SHC4: variants seen among roughly 807,000 people sequenced by gnomAD.
The protein encoded by SHC4 is SHC adaptor protein 4.
SHC4 carries 41 observed loss-of-function variants against 69.4 expected under a neutral mutation model. That is an observed-to-expected ratio of 0.59 (90% CI 0.46 to 0.77). The LOEUF (loss-of-function observed/expected upper bound fraction) is 0.77, where lower values mean the gene tolerates loss of function less well. SHC4 is among the 30% of genes least tolerant of loss of function. The pLI, the probability that SHC4 is intolerant of heterozygous loss-of-function variation, is 0.00. For synonymous variants in SHC4, 318 were observed against 299.3 expected (o/e 1.06, Z -0.64); for missense variants, 777 against 783.8 (o/e 0.99, Z 0.10).
intron 6 of SHC4, among the ~76,000 whole-genome samples, chr15:48,866,795 G>T (rs1484278950): frequency 6.6e-6 from 1 of 152,022 alleles, no homozygotes; most frequent in African/African-American, 2.4e-5. Flanking sequence ...TAAATGTTTG[G>T]GGGCAAACTC....
chr15:48,920,748 G>T (rs1900737611), intron 2 of SHC4, among the ~76,000 whole-genome samples: 1 of 151,756 alleles, frequency 6.6e-6, no homozygotes, highest in South Asian at 2.1e-4. Flanking sequence ...ATATAATCAA[G>T]ATATATATAT....
intron 2 of SHC4, among the ~76,000 whole-genome samples, chr15:48,913,830 C>A (rs1216297875): frequency 6.6e-6 from 1 of 152,170 alleles, no homozygotes; most frequent in Non-Finnish European, 1.5e-5. Flanking sequence ...TGACTCAGCT[C>A]CAGGTAAAGT....
At chr15:48,835,162 T>C (rs1898877286) in intron 10 of SHC4, 140 bp from the exon 11 acceptor site, 2 of 1,150,274 alleles carry the variant, frequency 1.7e-6, no homozygotes, top group South Asian at 1.7e-5. Flanking sequence ...GGGGAACAAA[T>C]GAGGTTTTTG....
At chr15:48,929,343 G>C (rs561398218) in intron 1 of SHC4, among the ~76,000 whole-genome samples, 3 of 152,198 alleles carry the variant, frequency 2.0e-5, no homozygotes, top group Non-Finnish European at 4.4e-5. Flanking sequence ...ATAAGACATG[G>C]GCTCTGTTCT....
rs549283338 is a variant in SHC4 at position 48,926,526 on chromosome 15, G to C, written c.586-1577C>G. Among the ~76,000 whole-genome samples the C allele has an allele frequency of 2.4e-4, 36 of 151,416 alleles. No individual in the cohort carries two copies. In the South Asian group the frequency reaches 7.1e-3, roughly 30 times the overall value. ...CACCCAGGCTGGTGTGCAGTGGCAC[G>C]ATCTTGGCTCACTGCAACCGCTGCC... is the stretch of plus-strand genomic sequence containing the variant. On this transcript the variant is annotated intron_variant, in intron 1 of 11. Coordinates refer to ENST00000332408, the MANE Select transcript of SHC4 (RefSeq NM_203349.4).
intron 4 of SHC4, chr15:48,878,229 A>C (rs967127560): frequency 5.0e-6 from 8 of 1,607,140 alleles, no homozygotes; most frequent in Non-Finnish European, 6.0e-6. Context: ...AGTGACCTGC[A>C]GATGGATGTG....
intron 10 of SHC4, among the ~76,000 whole-genome samples, chr15:48,840,121 C>T (rs1369927019): frequency 6.6e-6 from 1 of 152,146 alleles, no homozygotes; most frequent in Non-Finnish European, 1.5e-5. Context: ...CCACTTTGGA[C>T]CAGAGATGGA....
At chr15:48,908,083 G>T (rs1900442384) in intron 2 of SHC4, among the ~76,000 whole-genome samples, 1 of 152,134 alleles carries the variant, frequency 6.6e-6, no homozygotes, top group Non-Finnish European at 1.5e-5. Context: ...GGGATTGCTG[G>T]ATCAAATGGT....
Position 48,843,540 on chromosome 15 carries a change from A to C in SHC4, c.1352T>G (p.Leu451Trp), listed in dbSNP as rs903919997. Residue 451 changes from leucine to tryptophan, a missense_variant, in exon 10 of 12, where the codon TTG (leucine) becomes TGG (tryptophan). Physicochemically the swap from Leu to Trp is moderately conservative, Grantham distance 61. Coordinates refer to ENST00000332408, the MANE Select transcript of SHC4 (RefSeq NM_203349.4). ...GVQSQRDTSL[L>W]KHTCRVDLFD... ...GAGATCCACTCGGCACGTGTGCTTC[A>C]ATAATGAGGTATCTCGCTGGGACTG... 1 of 1,614,206 alleles carries C rather than the reference A, an allele frequency of 6.2e-7. No homozygotes were observed. Among genetic ancestry groups the C allele is most frequent in the Admixed American group, 1.7e-5 (1 of 60,026 alleles).
intron 6 of SHC4, among the ~76,000 whole-genome samples, chr15:48,861,982 C>G (rs1899453133): frequency 6.6e-6 from 1 of 151,958 alleles, no homozygotes; most frequent in East Asian, 1.9e-4. Flanking sequence ...ACCAGAAATT[C>G]AAAAGTTCAG....
chr15:48,952,196 T>G (rs1397603532), intron 1 of SHC4, among the ~76,000 whole-genome samples: 1 of 152,198 alleles, frequency 6.6e-6, no homozygotes, highest in African/African-American at 2.4e-5. Flanking sequence ...ATTTTACCAC[T>G]TCCCAATAAA....
chr15:48,917,175 T>C (rs1306330921), intron 2 of SHC4, among the ~76,000 whole-genome samples: 1 of 151,882 alleles, frequency 6.6e-6, no homozygotes, highest in Admixed American at 6.6e-5. Context: ...TTTTTTTTCT[T>C]CTTTACTTGA....
chr15:48,927,788 G>A (rs1201227199), intron 1 of SHC4, among the ~76,000 whole-genome samples: 11 of 152,050 alleles, frequency 7.2e-5, no homozygotes, highest in Admixed American at 7.2e-4. Context: ...TCATCTTTCA[G>A]GTTTCAGTTC....
intron 1 of SHC4, among the ~76,000 whole-genome samples, chr15:48,944,142 G>A (rs867870800): frequency 4.6e-5 from 7 of 152,184 alleles, no homozygotes; most frequent in Non-Finnish European, 2.9e-5. Context: ...AAAGGGATGG[G>A]CTCTTGCAAA....
At chr15:48,866,233 C>T (rs1261915701) in intron 6 of SHC4, among the ~76,000 whole-genome samples, 1 of 152,152 alleles carries the variant, frequency 6.6e-6, no homozygotes, top group Non-Finnish European at 1.5e-5. Flanking sequence ...CTTTGTTGTG[C>T]CCTGTTCCTA....
At chr15:48,910,667 TG>T (rs2141016557) in intron 2 of SHC4, among the ~76,000 whole-genome samples, 1 of 152,278 alleles carries the variant, frequency 6.6e-6, no homozygotes, top group African/African-American at 2.4e-5. Context: ...ATTGTCTGTT[TG>T]TGCTCTTTCA....
chr15:48,830,995 C>G (rs1283409782), intron 11 of SHC4, among the ~76,000 whole-genome samples: 1 of 152,120 alleles, frequency 6.6e-6, no homozygotes, highest in Non-Finnish European at 1.5e-5. Context: ...CTGTCTAGTG[C>G]TAGCCTAATG....
intron 3 of SHC4, among the ~76,000 whole-genome samples, chr15:48,884,590 A>G (rs1329794886): frequency 6.6e-6 from 1 of 152,172 alleles, no homozygotes; most frequent in Admixed American, 6.5e-5. Flanking sequence ...GGCCCTCAGA[A>G]CTTTCTCATA....
intron 4 of SHC4, among the ~76,000 whole-genome samples, chr15:48,882,791 T>C (rs1225553444): frequency 6.6e-6 from 1 of 152,212 alleles, no homozygotes; most frequent in Admixed American, 6.5e-5. Flanking sequence ...GTACCATCCA[T>C]GTGAATGAAA....
Sources: allele counts gnomAD v4.1 joint callset (sites outside exome capture counted in the v4.1 genomes callset), GRCh38; gene constraint gnomAD v4.1.1; transcripts MANE v1.5; gene names NCBI Gene and HGNC (gene_info 2026-07-23, HGNC 2026-07-21).